The following DOCK4 variants were observed in gnomAD, a reference collection of about 807,000 sequenced individuals.
DOCK4 encodes dedicator of cytokinesis protein 4.
DOCK4 carries 97 observed loss-of-function variants against 268.1 expected under a neutral mutation model. That is an observed-to-expected ratio of 0.36 (90% CI 0.31 to 0.43). The LOEUF (loss-of-function observed/expected upper bound fraction) is 0.43, where lower values mean the gene tolerates loss of function less well. Ranked by LOEUF, DOCK4 falls within the 20% of genes least tolerant of loss-of-function variation. The probability of loss-of-function intolerance (pLI) is 1.00; values close to 1 mark genes in which losing one functional copy is unlikely to be tolerated. For missense variants in DOCK4, 2,145 were observed against 2,455.7 expected, an observed-to-expected ratio of 0.87 and a Z score of 2.67; for synonymous variants, 954 against 887.2, an observed-to-expected ratio of 1.08 and a Z score of -1.34.
At chr7:112,016,489 A>G (rs556101449) in intron 1 of DOCK4, among the ~76,000 whole-genome samples, 2 of 152,350 alleles carry the variant, frequency 1.3e-5, no homozygotes, top group East Asian at 3.9e-4. Flanking sequence ...TTTGTAAGTA[A>G]CAAGTATCTT....
intron 1 of DOCK4, among the ~76,000 whole-genome samples, chr7:112,127,463 T>C (rs914924122): frequency 1.5e-4 from 22 of 147,292 alleles, no homozygotes; most frequent in African/African-American, 5.2e-4. Flanking sequence ...TAATGCTAAA[T>C]GACAAGTTAA....
chr7:112,017,760 T>C (rs1801936543), intron 1 of DOCK4, among the ~76,000 whole-genome samples: 1 of 151,938 alleles, frequency 6.6e-6, no homozygotes, highest in South Asian at 2.1e-4. Flanking sequence ...CCAACCCCTG[T>C]GGAAAATATA....
At chr7:112,166,988 T>C (rs148383748) in intron 1 of DOCK4, among the ~76,000 whole-genome samples, 3 of 152,258 alleles carry the variant, frequency 2.0e-5, no homozygotes, top group African/African-American at 7.2e-5. Context: ...ACTGTATTTG[T>C]TGGGGCTGTA....
intron 1 of DOCK4, among the ~76,000 whole-genome samples, chr7:112,062,476 T>C (rs1007913660): frequency 6.6e-6 from 1 of 152,184 alleles, no homozygotes; most frequent in Non-Finnish European, 1.5e-5. Flanking sequence ...ATTTAACTAG[T>C]GACTTATATA....
intron 26 of DOCK4, among the ~76,000 whole-genome samples, chr7:111,824,652 A>G (rs1249063056): frequency 6.6e-6 from 1 of 152,120 alleles, no homozygotes; most frequent in Non-Finnish European, 1.5e-5. Context: ...AAGATTGGCT[A>G]TAGGAGGCAA....
intron 1 of DOCK4, among the ~76,000 whole-genome samples, chr7:112,012,112 A>G (rs1801381834): frequency 6.6e-6 from 1 of 152,146 alleles, no homozygotes; most frequent in East Asian, 1.9e-4. Flanking sequence ...ATGAAATAAT[A>G]GAATTTTTTC....
chr7:111,867,975 A>C lies in DOCK4; in HGVS notation c.2280+9T>G. ...TTTCTTCTATTCAGCATAGATGAAA[A>C]GAAATTACCTGTGACTGAGATAATG... On this transcript the variant is annotated intron_variant, in intron 22 of 52. Transcript: ENST00000428084. The C allele has an allele frequency of 6.3e-7, 1 of 1,576,206 alleles. No homozygotes were observed. Among genetic ancestry groups the C allele is most frequent in the African/African-American group, 1.4e-5 (1 of 73,102 alleles).
At chr7:111,848,767 AG>A (rs1188906392) in intron 23 of DOCK4, among the ~76,000 whole-genome samples, 3 of 152,134 alleles carry the variant, frequency 2.0e-5, no homozygotes, top group African/African-American at 7.2e-5. Context: ...AACTTCCAAA[AG>A]CTGAACCAAA....
chr7:111,775,897 A>C (rs1241077069), intron 36 of DOCK4, among the ~76,000 whole-genome samples: 1 of 152,232 alleles, frequency 6.6e-6, no homozygotes, highest in Admixed American at 6.5e-5. Flanking sequence ...CCAGAGTACT[A>C]GGAAAGGAAG....
At chr7:112,192,646 G>C (rs1820069421) in intron 1 of DOCK4, among the ~76,000 whole-genome samples, 1 of 151,896 alleles carries the variant, frequency 6.6e-6, no homozygotes, top group Non-Finnish European at 1.5e-5. Context: ...ACAAAATCAG[G>C]GTAACATCTA....
chr7:111,757,343 A>G (rs1797092899), intron 41 of DOCK4, among the ~76,000 whole-genome samples: 3 of 152,170 alleles, frequency 2.0e-5, no homozygotes, highest in African/African-American at 7.2e-5. Flanking sequence ...AGAAAATGTG[A>G]GTTCTAGGAC....
At chr7:111,943,225 T>C (rs568491271) in intron 10 of DOCK4, among the ~76,000 whole-genome samples, 3 of 152,302 alleles carry the variant, frequency 2.0e-5, no homozygotes, top group African/African-American at 4.8e-5. Flanking sequence ...TTAATGACCA[T>C]AACAATGTTA....
chr7:111,921,446 C>T (rs767637921), intron 12 of DOCK4, among the ~76,000 whole-genome samples: 3 of 152,162 alleles, frequency 2.0e-5, no homozygotes, highest in Non-Finnish European at 2.9e-5. Flanking sequence ...AAATGGAAAG[C>T]ATAGCATGAT....
chr7:111,733,933 T>C (rs1585814981), intron 51 of DOCK4, among the ~76,000 whole-genome samples: 1 of 152,278 alleles, frequency 6.6e-6, no homozygotes, highest in East Asian at 1.9e-4. Context: ...GTAAACTAGG[T>C]GGCACATAGT....
At chr7:111,951,092 A>G (rs910737294) in intron 8 of DOCK4, among the ~76,000 whole-genome samples, 3 of 152,352 alleles carry the variant, frequency 2.0e-5, no homozygotes, top group South Asian at 4.1e-4. Flanking sequence ...ATGATACTAT[A>G]AATCAAAAAT....
chr7:111,944,180 C>T (rs1181871358), intron 10 of DOCK4, among the ~76,000 whole-genome samples: 1 of 152,170 alleles, frequency 6.6e-6, no homozygotes, highest in Non-Finnish European at 1.5e-5. Context: ...AAAGTGGGTT[C>T]TGCAAGATGT....
intron 16 of DOCK4, among the ~76,000 whole-genome samples, chr7:111,889,843 T>C (rs1454849590): frequency 6.6e-6 from 1 of 152,224 alleles, no homozygotes; most frequent in African/African-American, 2.4e-5. Flanking sequence ...CCTTCTTGAA[T>C]GCCTTGGATT....
At chr7:112,039,829 G>T (rs1245108695) in intron 1 of DOCK4, among the ~76,000 whole-genome samples, 2 of 151,982 alleles carry the variant, frequency 1.3e-5, no homozygotes, top group Non-Finnish European at 2.9e-5. Context: ...AATAACACCT[G>T]ATCCCTTTAC....
Position 111,895,519 on chromosome 7 carries a change from G to A in DOCK4, c.1587+93C>T. On this transcript the variant is annotated intron_variant, in intron 16 of 52. Transcript: ENST00000428084. Reference sequence around the variant, plus strand: ...CAATCTTACAAGAATATTCATTTCAGTCATTTTTTTCTCTTTTCAAAATGA... The same window carrying A: ...CAATCTTACAAGAATATTCATTTCAATCATTTTTTTCTCTTTTCAAAATGA... The A allele has an allele frequency of 2.8e-6, 3 of 1,068,364 alleles. 1 individual carries two copies. In the South Asian group the frequency reaches 3.9e-5, roughly 14 times the overall value. The allele number at this position is 1,068,364 out of a possible 1,614,324, so 66.2% of individuals were successfully genotyped here. A position where few individuals can be genotyped will look rare whatever the true frequency, so the allele number is the denominator to read the frequency against.
Sources: allele counts gnomAD v4.1 joint callset (sites outside exome capture counted in the v4.1 genomes callset), GRCh38; gene constraint gnomAD v4.1.1; transcripts MANE v1.5; gene names NCBI Gene and HGNC (gene_info 2026-07-23, HGNC 2026-07-21).